The following RASAL2 variants were observed in gnomAD, a reference collection of about 807,000 sequenced individuals.
The protein encoded by RASAL2 is RAS protein activator like 2, also known as ras GTPase-activating protein nGAP.
A neutral mutation model predicts 128.9 loss-of-function variants in RASAL2; 58 were observed. The ratio of observed to expected loss-of-function variants is 0.45; its 90% CI spans 0.36 to 0.56. The LOEUF is 0.56. RASAL2 is among the 20% of genes least tolerant of loss of function. RASAL2 has a pLI of 0.00. For synonymous variants in RASAL2, 561 were observed against 580.8 expected, an observed-to-expected ratio of 0.97 and a Z score of 0.49; for missense variants, 1,360 against 1,601.6, an observed-to-expected ratio of 0.85 and a Z score of 2.57.
chr1:178,319,724 T>C (rs1371500148), intron 3 of RASAL2, among the ~76,000 whole-genome samples: 4 of 151,884 alleles, frequency 2.6e-5, no homozygotes, highest in African/African-American at 9.7e-5. Context: ...TTCAACTTCT[T>C]TGCCTTTGGA....
At chr1:178,458,761 G>T (rs541831858) in intron 14 of RASAL2, among the ~76,000 whole-genome samples, 2 of 152,146 alleles carry the variant, frequency 1.3e-5, no homozygotes, top group Admixed American at 6.5e-5. Context: ...TAACAAACAC[G>T]CAGAGGCCCC....
At chr1:178,258,219 G>A (rs935330933) in intron 1 of RASAL2, among the ~76,000 whole-genome samples, 3 of 151,410 alleles carry the variant, frequency 2.0e-5, no homozygotes, top group East Asian at 3.9e-4. Flanking sequence ...ACTTGAACCC[G>A]GGAGGTGGAG....
intron 1 of RASAL2, among the ~76,000 whole-genome samples, chr1:178,147,345 C>T (rs1406243914): frequency 6.6e-6 from 1 of 151,848 alleles, no homozygotes; most frequent in Non-Finnish European, 1.5e-5. Context: ...AAAAAATTAG[C>T]TGGGCGTGGT....
At chr1:178,220,302 T>C (rs185183003) in intron 1 of RASAL2, among the ~76,000 whole-genome samples, 177 of 152,110 alleles carry the variant, frequency 1.2e-3, no homozygotes, top group Middle Eastern at 3.4e-3. Context: ...TCTCAGCAAA[T>C]AGGGAGGCCC....
At chr1:178,182,199 C>T (rs946340480) in intron 1 of RASAL2, among the ~76,000 whole-genome samples, 4 of 152,150 alleles carry the variant, frequency 2.6e-5, no homozygotes, top group Non-Finnish European at 5.9e-5. Flanking sequence ...TATATTCTAT[C>T]ACTCAAATTG....
intron 3 of RASAL2, 96 bp from the exon 4 acceptor site, chr1:178,390,004 C>G: frequency 1.3e-6 from 1 of 745,744 alleles, no homozygotes; most frequent in East Asian, 2.6e-5. Flanking sequence ...TTAAAGCATG[C>G]TGGTTTATTG....
intron 1 of RASAL2, among the ~76,000 whole-genome samples, chr1:178,273,386 A>G (rs1666350699): frequency 6.6e-6 from 1 of 152,102 alleles, no homozygotes; most frequent in Non-Finnish European, 1.5e-5. Flanking sequence ...TTATTGCCTT[A>G]TTTGCATTCA....
intron 1 of RASAL2, among the ~76,000 whole-genome samples, chr1:178,161,023 G>A (rs76235320): frequency 0.028 from 4,303 of 151,986 alleles, 80 homozygotes; most frequent in East Asian, 0.088. Flanking sequence ...ATAGGTGAGA[G>A]TTCCCGCAAG....
At chr1:178,322,273 A>T (rs181880085) in intron 3 of RASAL2, among the ~76,000 whole-genome samples, 1 of 152,192 alleles carries the variant, frequency 6.6e-6, no homozygotes, top group East Asian at 1.9e-4. Flanking sequence ...CGTACTTTTT[A>T]AAATATTTCC....
At chr1:178,470,676 G>T in intron 17 of RASAL2, 1 of 1,364,538 alleles carries the variant, frequency 7.3e-7, no homozygotes, top group Non-Finnish European at 9.8e-7. Context: ...TGATATCTCC[G>T]CTGTGTTAAA....
chr1:178,355,526 A>G lies in RASAL2; in HGVS notation c.458-34574A>G, dbSNP rs139141239. Among the ~76,000 whole-genome samples, 523 of 152,338 alleles carry G rather than the reference A, an allele frequency of 3.4e-3. 8 individuals are homozygous for G. Among genetic ancestry groups the G allele is most frequent in the African/African-American group, 0.012 (486 of 41,590 alleles). On this transcript the variant is annotated intron_variant, in intron 3 of 17. Transcript: ENST00000367649. Reference sequence around the variant, plus strand: ...TACGTGTAAAACACCAAATAGTAATAATACCACTTTTAGAATATATTATAG... The same window carrying G: ...TACGTGTAAAACACCAAATAGTAATGATACCACTTTTAGAATATATTATAG...
intron 3 of RASAL2, among the ~76,000 whole-genome samples, chr1:178,307,023 A>G (rs561754439): frequency 1.1e-5 from 1 of 92,390 alleles, no homozygotes; most frequent in South Asian, 2.5e-4. Flanking sequence ...ATAATAAAAG[A>G]AAAAAAAAAA....
At chr1:178,163,664 A>G (rs1661414318) in intron 1 of RASAL2, among the ~76,000 whole-genome samples, 1 of 152,190 alleles carries the variant, frequency 6.6e-6, no homozygotes, top group South Asian at 2.1e-4. Context: ...TTTGTACCAT[A>G]TAATGTTAAT....
chr1:178,290,551 TAGACAGC>T (rs1376475062), intron 2 of RASAL2, among the ~76,000 whole-genome samples: 16 of 152,208 alleles, frequency 1.1e-4, no homozygotes, highest in Non-Finnish European at 4.4e-5. Flanking sequence ...CATTTGGAAT[TAGACAGC>T]AGTGGTAGTT....
intron 3 of RASAL2, among the ~76,000 whole-genome samples, chr1:178,309,936 A>G (rs991373239): frequency 6.6e-6 from 1 of 152,198 alleles, no homozygotes; most frequent in Non-Finnish European, 1.5e-5. Flanking sequence ...AATAACACTC[A>G]TGCAGTGAAC....
intron 3 of RASAL2, among the ~76,000 whole-genome samples, chr1:178,320,631 A>G (rs1028787855): frequency 1.3e-5 from 2 of 152,112 alleles, no homozygotes; most frequent in Admixed American, 6.5e-5. Context: ...AGGTGAGGCA[A>G]TGCCTCGCCC....
chr1:178,211,950 C>G (rs1426899455), intron 1 of RASAL2, among the ~76,000 whole-genome samples: 2 of 152,154 alleles, frequency 1.3e-5, no homozygotes, highest in Admixed American at 1.3e-4. Context: ...TTTGATAATA[C>G]AATAAATGCT....
intron 1 of RASAL2, among the ~76,000 whole-genome samples, chr1:178,266,143 G>C (rs975551326): frequency 6.6e-6 from 1 of 152,166 alleles, no homozygotes; most frequent in Non-Finnish European, 1.5e-5. Context: ...TGCTAGATAT[G>C]TATACGTTCG....
intron 3 of RASAL2, among the ~76,000 whole-genome samples, chr1:178,303,886 C>T (rs763979138): frequency 8.6e-5 from 13 of 151,922 alleles, no homozygotes; most frequent in Non-Finnish European, 1.5e-4. Flanking sequence ...GTTCCAAAAC[C>T]GTTAAAACTA....
Sources: gnomAD v4.1 joint callset for allele counts (sites outside exome capture counted in the v4.1 genomes callset) on GRCh38, gnomAD v4.1.1 for gene constraint, MANE v1.5 for transcripts, NCBI Gene and HGNC (gene_info 2026-07-23, HGNC 2026-07-21) for gene names.